Variants in TRIP11 observed in about 807,000 individuals in gnomAD.
TRIP11 encodes the protein thyroid receptor-interacting protein 11.
In TRIP11, 148 loss-of-function variants were observed where a neutral mutation model predicts 223.1. The observed-to-expected ratio is 0.66, with a 90% CI of 0.58 to 0.76. The LOEUF (loss-of-function observed/expected upper bound fraction) is 0.76, where lower values mean the gene tolerates loss of function less well. Among genes scored for constraint, TRIP11 ranks in the 30% least tolerant of loss-of-function variants. The pLI, the probability that TRIP11 is intolerant of heterozygous loss-of-function variation, is 0.00. For missense variants in TRIP11, 2,043 were observed against 2,222.0 expected (o/e 0.92, Z 1.62); for synonymous variants, 762 against 772.6 (o/e 0.99, Z 0.23).
intron 10 of TRIP11, among the ~76,000 whole-genome samples, 194 bp from the exon 11 acceptor site, chr14:92,006,642 T>C (rs2056906941): frequency 6.6e-6 from 1 of 152,188 alleles, no homozygotes; most frequent in Non-Finnish European, 1.5e-5. Flanking sequence ...CCATCTTGTC[T>C]TTTTTGTTTT....
chr14:92,018,171 T>C (rs1182892936), intron 4 of TRIP11, among the ~76,000 whole-genome samples: 1 of 151,694 alleles, frequency 6.6e-6, no homozygotes, highest in Admixed American at 6.6e-5. Context: ...CATGGCTCAC[T>C]GCAGCCTCCA....
chr14:92,019,886 G>T (rs2057087833), intron 4 of TRIP11, among the ~76,000 whole-genome samples: 1 of 152,108 alleles, frequency 6.6e-6, no homozygotes, highest in African/African-American at 2.4e-5. Context: ...GTACCTATGG[G>T]TATAAAGTTT....
rs376471683 is a variant in TRIP11, at chr14:91,991,108, AG to A, written c.5160+2700del. 2.6e-4 allele frequency among the ~76,000 whole-genome samples: 40 copies of A among 152,136 alleles called. No individual in the cohort carries two copies. The East Asian group carries it at 7.3e-3, about 28-fold the overall frequency. On this transcript the variant is annotated intron_variant, in intron 15 of 20. Coordinates refer to ENST00000267622, the MANE Select transcript of TRIP11 (RefSeq NM_004239.4). ...TGATTCCCAATGTGGCAGTATTGGG[AG>A]GTAGGGCCTGATGGGAGGTGTTTGG...
At chr14:91,996,134 C>T (rs559532262) in intron 13 of TRIP11, among the ~76,000 whole-genome samples, 1 of 152,172 alleles carries the variant, frequency 6.6e-6, no homozygotes, top group Non-Finnish European at 1.5e-5. Context: ...ACTGAAACTC[C>T]ATACCCATTA....
intron 11 of TRIP11, among the ~76,000 whole-genome samples, chr14:92,000,853 T>TC (rs1270927834): frequency 1.3e-5 from 2 of 148,596 alleles, no homozygotes; most frequent in Non-Finnish European, 3.0e-5. Context: ...ACAGCCACTT[T>TC]CTTTTTTTTT....
At chr14:91,990,936 A>T (rs1282815156) in intron 15 of TRIP11, among the ~76,000 whole-genome samples, 1 of 152,252 alleles carries the variant, frequency 6.6e-6, no homozygotes, top group Non-Finnish European at 1.5e-5. Context: ...TAATGAGCTG[A>T]CAAGAAAGTA....
Position 92,013,604 on chromosome 14 carries a change from A to G in TRIP11, c.1186+611T>C, listed in dbSNP as rs950252382. Among the ~76,000 whole-genome samples, 5 of 152,260 alleles carry G rather than the reference A, an allele frequency of 3.3e-5. No individual in the cohort carries two copies. In the East Asian group the frequency reaches 9.6e-4, roughly 29 times the overall value. ...TGTCAATGGAATAGAAAAAAGAGGA[A>G]GGACTAAGGCAGTGGGTTTGTCTTT... On this transcript the variant is annotated intron_variant, in intron 7 of 20. Coordinates refer to ENST00000267622, the MANE Select transcript of TRIP11 (RefSeq NM_004239.4).
chr14:92,024,044 T>C (rs1328607626), intron 3 of TRIP11, among the ~76,000 whole-genome samples: 2 of 150,754 alleles, frequency 1.3e-5, no homozygotes, highest in African/African-American at 4.9e-5. Context: ...TTAGTAGAGA[T>C]GGGGAATCAA....
intron 12 of TRIP11, 152 bp downstream of exon 12, chr14:91,999,816 T>A: frequency 9.8e-7 from 1 of 1,022,920 alleles, no homozygotes; most frequent in Non-Finnish European, 1.4e-6. Flanking sequence ...AAATGCACCA[T>A]GGGAGATTAA....
At chr14:92,032,561 G>A (rs780335198) in intron 2 of TRIP11, among the ~76,000 whole-genome samples, 22 of 152,120 alleles carry the variant, frequency 1.4e-4, no homozygotes, top group Non-Finnish European at 3.1e-4. Context: ...TTAGCTGGGC[G>A]TGGTGGCTCA....
At position 92,003,576 on chromosome 14, in the gene TRIP11, T is replaced by C; in HGVS notation, c.4400A>G (p.Lys1467Arg). The C allele has an allele frequency of 6.2e-7, 1 of 1,614,202 alleles. No homozygotes were observed. The highest frequency in any genetic ancestry group is 8.5e-7 in the Non-Finnish European group (1 of 1,180,020). The change falls in exon 11 of 21, where the codon AAA (lysine) becomes AGA (arginine). Residue 1467 changes from lysine (K) to arginine (R), a missense_variant. Coordinates refer to ENST00000267622, the MANE Select transcript of TRIP11 (RefSeq NM_004239.4). ...CTTTCCCCTGTATGTTTCCACTATT[T>C]TTTCATTTTCTCCTTTTAGTTTGCC... is the stretch of plus-strand genomic sequence containing the variant. ...DIGKLKGENE[K>R]IVETYRGKET...
chr14:92,009,434 A>G (rs2056944394), intron 9 of TRIP11, among the ~76,000 whole-genome samples: 1 of 152,244 alleles, frequency 6.6e-6, no homozygotes, highest in African/African-American at 2.4e-5. Context: ...AACAGCTATC[A>G]GGACAAGCTA....
rs2056895078 is a variant in TRIP11, at chr14:92,005,878, T to C, written c.2098A>G (p.Asn700Asp). 6.2e-7 allele frequency: 1 copy of C among 1,614,074 alleles called. No homozygotes were observed. Among genetic ancestry groups the C allele is most frequent in the African/African-American group, 1.3e-5 (1 of 75,062 alleles). The change falls in exon 11 of 21, where the codon AAC becomes GAC. Residue 700 changes from asparagine (N) to aspartate (D), a missense_variant. Coordinates refer to ENST00000267622, the MANE Select transcript of TRIP11 (RefSeq NM_004239.4). ...RHQLEECLAG[N>D]NQLSLEKNTI... ...TTTTTTTCCAGAGAAAGCTGATTGTTACCAGCAAGACATTCTTCTAACTGA... is the reference window on the plus strand; with the variant it reads ...TTTTTTTCCAGAGAAAGCTGATTGTCACCAGCAAGACATTCTTCTAACTGA...
At chr14:91,988,188 T>G in intron 16 of TRIP11, 96 bp downstream of exon 16, 1 of 873,752 alleles carries the variant, frequency 1.1e-6, no homozygotes, top group Non-Finnish European at 1.8e-6. Flanking sequence ...ATCAATGAAG[T>G]TGGTCTCACT....
At chr14:91,982,211 T>G in intron 16 of TRIP11, among the ~76,000 whole-genome samples, 1 of 152,210 alleles carries the variant, frequency 6.6e-6, no homozygotes, top group Non-Finnish European at 1.5e-5. Context: ...TCCTCACCAT[T>G]CTCTTCCTTT....
intron 16 of TRIP11, among the ~76,000 whole-genome samples, chr14:91,984,317 CTT>C (rs138601782): frequency 4.2e-4 from 54 of 127,880 alleles, no homozygotes; most frequent in Non-Finnish European, 5.2e-4. Context: ...TTTTTCTTTT[CTT>C]TTTTTTTTTT....
intron 13 of TRIP11, 88 bp downstream of exon 13, chr14:91,999,152 G>A (rs1269600263): frequency 3.6e-6 from 5 of 1,400,034 alleles, no homozygotes; most frequent in Non-Finnish European, 9.8e-7. Flanking sequence ...AATTTTGCAA[G>A]GATGAGCTAA....
At position 91,993,860 on chromosome 14, in the gene TRIP11, A is replaced by G. The variant is rs1341346224; in HGVS notation, c.5109T>C (p.Ala1703=). 3 of 1,613,676 alleles carry G rather than the reference A, an allele frequency of 1.9e-6. No individual in the cohort carries two copies. Among genetic ancestry groups the G allele is most frequent in the Non-Finnish European group, 2.5e-6 (3 of 1,179,956 alleles). The change falls in exon 15 of 21, where the codon GCT becomes GCC. Residue 1703 remains alanine (A), a synonymous_variant. Coordinates refer to ENST00000267622, the MANE Select transcript of TRIP11 (RefSeq NM_004239.4). ...GATTTTCTGCGTTTTTCTTCCATTCAGCTATAAGCTGTTTTTGCTTTTCGA... is the reference window on the plus strand; with the variant it reads ...GATTTTCTGCGTTTTTCTTCCATTCGGCTATAAGCTGTTTTTGCTTTTCGA... ...AELEKQKQLI[A]EWKKNAENLE...
chr14:91,976,123 T>C lies in TRIP11; in HGVS notation c.5327A>G (p.Glu1776Gly), dbSNP rs143544763. 7.4e-6 allele frequency: 12 copies of C among 1,612,308 alleles called. No individual in the cohort carries two copies. In the African/African-American group the frequency reaches 1.6e-4, roughly 22 times the overall value. ...AAAAGCATACTTGTCTACTTTTCCT[T>C]CTGAGCTGTTTGCTAAGCTCATCAA... is the stretch of plus-strand genomic sequence containing the variant. ...KKLMSLANSS[E>G]GKVDKVLMRN... Residue 1776 changes from glutamate to glycine, a missense_variant, in exon 17 of 21, where the codon GAA becomes GGA. By Grantham distance (98) the Glu-to-Gly change is moderately conservative. Transcript: ENST00000267622.
Sources: allele counts gnomAD v4.1 joint callset (sites outside exome capture counted in the v4.1 genomes callset), GRCh38; gene constraint gnomAD v4.1.1; transcripts MANE v1.5; gene names NCBI Gene and HGNC (gene_info 2026-07-23, HGNC 2026-07-21).